Variants in RAD50 observed in about 807,000 individuals in gnomAD.
The protein encoded by RAD50 is DNA repair protein RAD50.
RAD50 carries 132 observed loss-of-function variants against 168.8 expected under a neutral mutation model. The ratio of observed to expected loss-of-function variants is 0.78; its 90% CI spans 0.68 to 0.90. The LOEUF is 0.90. Among genes scored for constraint, RAD50 ranks in the 40% least tolerant of loss-of-function variants. RAD50 has a pLI of 0.00. For synonymous variants in RAD50, 525 were observed against 497.4 expected, an observed-to-expected ratio of 1.06 and a Z score of -0.74; for missense variants, 1,347 against 1,534.4, an observed-to-expected ratio of 0.88 and a Z score of 2.04.
intron 2 of RAD50, among the ~76,000 whole-genome samples, chr5:132,566,830 CGTAGTGACT>C (rs1750217976): frequency 1.3e-5 from 2 of 152,168 alleles, no homozygotes; most frequent in Admixed American, 1.3e-4. Flanking sequence ...TCTGTAGTCA[CGTAGTGACT>C]CAGATCTTCT....
intron 21 of RAD50, among the ~76,000 whole-genome samples, chr5:132,628,617 G>A (rs1004657963): frequency 1.6e-4 from 24 of 152,086 alleles, no homozygotes; most frequent in South Asian, 8.3e-4. Context: ...AGGCCAGGGC[G>A]GGTGGATCAC....
chr5:132,557,352 C>T lies in RAD50; in HGVS notation c.28C>T (p.Leu10=), dbSNP rs749090292. 6.2e-7 allele frequency: 1 copy of T among 1,614,132 alleles called. No individual in the cohort carries two copies. The highest frequency in any genetic ancestry group is 1.1e-5 in the South Asian group (1 of 91,088). Residue 10 remains leucine (L), a synonymous_variant, in exon 1 of 25, where the codon CTG becomes TTG. Coordinates refer to ENST00000378823, the MANE Select transcript of RAD50 (RefSeq NM_005732.4). MSRIEKMSI[L]GVRSFGIEDK... ...GTCCCGGATCGAAAAGATGAGCATT[C>T]TGGGCGTGCGGAGTTTTGGAATAGA...
chr5:132,571,224 A>G (rs1750298798), intron 2 of RAD50, among the ~76,000 whole-genome samples: 1 of 152,244 alleles, frequency 6.6e-6, no homozygotes, highest in Non-Finnish European at 1.5e-5. Context: ...AATGTGACAC[A>G]GAGACACAAA....
intron 2 of RAD50, among the ~76,000 whole-genome samples, chr5:132,573,950 G>A (rs1471437521): frequency 6.6e-6 from 1 of 152,208 alleles, no homozygotes; most frequent in African/African-American, 2.4e-5. Context: ...TTCTGGCTTT[G>A]CAGGGTATAG....
intron 21 of RAD50, among the ~76,000 whole-genome samples, chr5:132,619,020 C>T (rs189826321): frequency 2.2e-3 from 339 of 152,186 alleles, no homozygotes; most frequent in Non-Finnish European, 3.8e-3. Context: ...CTAGGACTTG[C>T]TTTTTTATTT....
Position 132,575,365 on chromosome 5 carries a change from C to T in RAD50, c.214-412C>T, listed in dbSNP as rs191535003. Reference sequence around the variant, plus strand: ...CAAGAACAGCATGGGAAAGACCTGTCCCCATGATTCAATTACCTTCAACTG... The same window carrying T: ...CAAGAACAGCATGGGAAAGACCTGTTCCCATGATTCAATTACCTTCAACTG... On this transcript the variant is annotated intron_variant, in intron 2 of 24. Transcript: ENST00000378823. Among the ~76,000 whole-genome samples the T allele has an allele frequency of 2.5e-4, 38 of 152,278 alleles. 1 individual carries two copies. In the East Asian group the frequency reaches 6.9e-3, roughly 28 times the overall value.
chr5:132,558,517 C>T (rs562743082), intron 1 of RAD50, among the ~76,000 whole-genome samples: 86 of 151,832 alleles, frequency 5.7e-4, no homozygotes, highest in African/African-American at 2.0e-3. Context: ...TCGAGACCAG[C>T]CTGGCCAACG....
In RAD50 at chr5:132,573,045, G is replaced by T. The variant is rs1220955815; in HGVS notation, c.214-2732G>T. Among the ~76,000 whole-genome samples, 4 of 152,310 alleles carry T rather than the reference G, an allele frequency of 2.6e-5. No homozygotes were observed. The South Asian group carries it at 8.3e-4, about 32-fold the overall frequency. ...GGAACAACTGGCAAAACTTGAATGG[G>T]ATTTGTGGACCATGTGGTAATAATA... is the stretch of plus-strand genomic sequence containing the variant. On this transcript the variant is annotated intron_variant, in intron 2 of 24. Coordinates refer to ENST00000378823, the MANE Select transcript of RAD50 (RefSeq NM_005732.4).
At chr5:132,557,711 TC>T (rs1167908544) in intron 1 of RAD50, among the ~76,000 whole-genome samples, 52 of 152,324 alleles carry the variant, frequency 3.4e-4, no homozygotes, top group African/African-American at 1.2e-3. Flanking sequence ...CTGTCGCCGC[TC>T]ACTCAGAGTT....
rs1257399328 is a variant in RAD50, at chr5:132,609,138, G to C, written c.2851G>C (p.Val951Leu). The change falls in exon 18 of 25, where the codon GTT (valine) becomes CTT (leucine). Residue 951 changes from valine (V) to leucine (L), a missense_variant. Val to Leu is a conservative substitution (Grantham distance 32). This residue lies in a region of RAD50 where 635 missense variants were observed against 739.2 expected (regional missense o/e 0.86). Coordinates refer to ENST00000378823, the MANE Select transcript of RAD50 (RefSeq NM_005732.4). ...QDKLNDIKEK[V>L]KNIHGYMKDI... ...ACAGCTGAATGATATTAAAGAGAAGGTTAAAAATATTCATGGCTATATGAA... is the reference window on the plus strand; with the variant it reads ...ACAGCTGAATGATATTAAAGAGAAGCTTAAAAATATTCATGGCTATATGAA... The C allele has an allele frequency of 1.2e-6, 2 of 1,611,498 alleles. No individual in the cohort carries two copies. The highest frequency in any genetic ancestry group is 1.7e-6 in the Non-Finnish European group (2 of 1,178,964).
At chr5:132,637,041 T>G in intron 21 of RAD50, 74 bp from the exon 22 acceptor site, 1 of 1,062,960 alleles carries the variant, frequency 9.4e-7, no homozygotes, top group Admixed American at 4.0e-5. Context: ...ATTATATATT[T>G]TATGTATTTT....
intron 21 of RAD50, among the ~76,000 whole-genome samples, chr5:132,633,662 A>G (rs1329996467): frequency 1.3e-5 from 2 of 151,760 alleles, no homozygotes; most frequent in African/African-American, 2.4e-5. Context: ...TGTAGCTTCA[A>G]CTTCCCGGGC....
intron 5 of RAD50, among the ~76,000 whole-genome samples, chr5:132,581,882 C>T (rs947664635): frequency 2.6e-5 from 4 of 151,848 alleles, no homozygotes; most frequent in Admixed American, 2.0e-4. Flanking sequence ...TTCTTCTTTC[C>T]CCCTTGCCCC....
At position 132,559,490 on chromosome 5, in the gene RAD50, C is replaced by G. The variant is rs1750083246; in HGVS notation, c.213+123C>G. On this transcript the variant is annotated intron_variant, in intron 2 of 24. Transcript: ENST00000378823. ...AAGTCAGCCCCACACAGTTTTAGCA[C>G]CCAGTAGTAACCGTTGTTGACATTT... The G allele has an allele frequency of 6.4e-6, 6 of 942,560 alleles. No homozygotes were observed. In the South Asian group the frequency reaches 1.1e-4, roughly 17 times the overall value. The allele number at this position is 942,560 out of a possible 1,614,324, so 58.4% of individuals were successfully genotyped here.
intron 21 of RAD50, among the ~76,000 whole-genome samples, chr5:132,624,656 T>G (rs906112382): frequency 1.1e-4 from 16 of 152,150 alleles, no homozygotes; most frequent in Non-Finnish European, 1.8e-4. Context: ...CCTAGCACTT[T>G]GGGAGTCCAA....
At chr5:132,609,868 T>G in intron 19 of RAD50, among the ~76,000 whole-genome samples, 1 of 152,150 alleles carries the variant, frequency 6.6e-6, no homozygotes, top group Admixed American at 6.6e-5. Context: ...AGTAAAAGAC[T>G]CATGGTAAAA....
chr5:132,604,093 C>G, intron 15 of RAD50, 47 bp downstream of exon 15: 1 of 1,601,798 alleles, frequency 6.2e-7, no homozygotes. Flanking sequence ...TTTGACATTG[C>G]GAGCACATGC....
chr5:132,566,422 G>GAAAT (rs1451050956), intron 2 of RAD50, among the ~76,000 whole-genome samples: 1 of 152,198 alleles, frequency 6.6e-6, no homozygotes, highest in Non-Finnish European at 1.5e-5. Context: ...TCCTTATGAT[G>GAAAT]AAATGACAGA....
At chr5:132,633,176 C>T (rs111715515) in intron 21 of RAD50, among the ~76,000 whole-genome samples, 1 of 140,950 alleles carries the variant, frequency 7.1e-6, no homozygotes, top group Non-Finnish European at 1.5e-5. Context: ...TCTCAGCTTA[C>T]TTCCTTCCGC....
Sources: allele counts gnomAD v4.1 joint callset (sites outside exome capture counted in the v4.1 genomes callset), GRCh38; gene constraint gnomAD v4.1.1; regional missense constraint gnomAD v4.1.1; transcripts MANE v1.5; gene names NCBI Gene and HGNC (gene_info 2026-07-23, HGNC 2026-07-21).